ARF4: variants seen among roughly 807,000 people sequenced by gnomAD.
ARF4 encodes the protein ARF GTPase 4, also known as ADP-ribosylation factor 4.
A neutral mutation model predicts 24.3 loss-of-function variants in ARF4; 5 were observed. That is an observed-to-expected ratio of 0.21 (90% confidence interval 0.11 to 0.43). The LOEUF (loss-of-function observed/expected upper bound fraction) is 0.43. ARF4 is among the 20% of genes least tolerant of loss of function. ARF4 has a pLI of 1.00. For missense variants in ARF4, 107 were observed against 213.0 expected (o/e 0.50, Z 3.10); for synonymous variants, 62 against 73.5 (o/e 0.84, Z 0.80).
At position 57,590,907 on chromosome 3, in the gene ARF4, A is replaced by G. The variant is rs374384744; in HGVS notation, c.67+6167T>C. Among the ~76,000 whole-genome samples, 42 of 152,328 alleles carry G rather than the reference A, an allele frequency of 2.8e-4. 5 individuals are homozygous for G. The highest frequency in any genetic ancestry group is 2.2e-3 in the Admixed American group (34 of 15,296). On this transcript the variant is annotated intron_variant, in intron 1 of 5. Transcript: ENST00000303436. The stretch of plus-strand genomic sequence containing the variant: ...TGGTATGGTGCCCAGGCTGCGTAAT[A>G]GTTTAAAATAATAATTTAAAATTGA...
chr3:57,581,699 C>G (rs2069973810), intron 3 of ARF4, among the ~76,000 whole-genome samples: 1 of 152,104 alleles, frequency 6.6e-6, no homozygotes, highest in Admixed American at 6.6e-5. Context: ...ACTTGGGAGG[C>G]TGAGGCAGGA....
At chr3:57,577,110 C>T (rs2069915265) in intron 4 of ARF4, among the ~76,000 whole-genome samples, 1 of 151,184 alleles carries the variant, frequency 6.6e-6, no homozygotes, top group Admixed American at 6.6e-5. Flanking sequence ...GAAGTAGCTA[C>T]TCTTCCATGT....
chr3:57,595,007 A>C (rs1033247132), intron 1 of ARF4, among the ~76,000 whole-genome samples: 1 of 152,228 alleles, frequency 6.6e-6, no homozygotes, highest in Non-Finnish European at 1.5e-5. Flanking sequence ...CCCAAAATTA[A>C]AGTGCAAAAC....
chr3:57,580,185 A>G (rs2069952785), intron 3 of ARF4, among the ~76,000 whole-genome samples: 1 of 152,094 alleles, frequency 6.6e-6, no homozygotes, highest in South Asian at 2.1e-4. Flanking sequence ...ATCTTATACT[A>G]CTTGTTATAT....
At chr3:57,597,023 T>C (rs759742453) in intron 1 of ARF4, 51 bp downstream of exon 1, 1 of 1,591,486 alleles carries the variant, frequency 6.3e-7, no homozygotes, top group South Asian at 1.1e-5. Flanking sequence ...ACCCCAATTG[T>C]GGAGACCCTG....
chr3:57,582,565 A>G (rs1472905005), intron 3 of ARF4, among the ~76,000 whole-genome samples: 1 of 152,142 alleles, frequency 6.6e-6, no homozygotes, highest in Admixed American at 6.5e-5. Context: ...TTTAAATAAA[A>G]AAGTATACCA....
At chr3:57,595,788 A>G (rs1203112486) in intron 1 of ARF4, among the ~76,000 whole-genome samples, 1 of 152,056 alleles carries the variant, frequency 6.6e-6, no homozygotes, top group African/African-American at 2.4e-5. Context: ...CGTCTCTACT[A>G]ATAATACAAA....
At chr3:57,579,803 T>C (rs2069949125) in intron 3 of ARF4, among the ~76,000 whole-genome samples, 1 of 152,180 alleles carries the variant, frequency 6.6e-6, no homozygotes, top group Non-Finnish European at 1.5e-5. Flanking sequence ...TCACTTTAAA[T>C]ATCCTATCCT....
chr3:57,584,734 C>A (rs1436445336), intron 1 of ARF4, among the ~76,000 whole-genome samples: 1 of 152,048 alleles, frequency 6.6e-6, no homozygotes, highest in African/African-American at 2.4e-5. Context: ...TCTAGCTTTG[C>A]GACAAACTAG....
chr3:57,572,055 TA>T lies in ARF4; in HGVS notation c.*156del. On this transcript the variant is annotated 3_prime_UTR_variant, in exon 6 of 6. Coordinates refer to ENST00000303436, the MANE Select transcript of ARF4 (RefSeq NM_001660.4). ...CAAGCACATTGCTAAATAGCAACAT[TA>T]TACTCGGTAAACAATAATTGGCAAC... The T allele has an allele frequency of 1.7e-6, 1 of 592,410 alleles. No individual in the cohort carries two copies. Among genetic ancestry groups the T allele is most frequent in the South Asian group, 2.2e-5 (1 of 44,976 alleles). 36.7% of individuals were successfully genotyped at this position (592,410 alleles called of 1,614,324 possible).
At chr3:57,593,625 C>T (rs2070140736) in intron 1 of ARF4, among the ~76,000 whole-genome samples, 1 of 152,166 alleles carries the variant, frequency 6.6e-6, no homozygotes, top group Admixed American at 6.5e-5. Context: ...GTAAAGAGAT[C>T]AGAATTAGTA....
chr3:57,575,034 A>G (rs2069886823), intron 5 of ARF4, among the ~76,000 whole-genome samples: 1 of 152,036 alleles, frequency 6.6e-6, no homozygotes, highest in Non-Finnish European at 1.5e-5. Flanking sequence ...TTTTTAGTAG[A>G]GACAGGGTTT....
rs2069844038 is a variant in ARF4, at chr3:57,571,644, A to T, written c.*568T>A. ...CCAGCACAGAACTAATTGGCTATCA[A>T]ATCCAAACCCCACCAAGGTTAAGTT... On this transcript the variant is annotated 3_prime_UTR_variant, in exon 6 of 6. Transcript: ENST00000303436. The T allele has an allele frequency of 6.5e-6, 1 of 152,828 alleles. No homozygotes were observed. Among genetic ancestry groups the T allele is most frequent in the South Asian group, 2.1e-4 (1 of 4,852 alleles). 9.5% of individuals were successfully genotyped at this position (152,828 alleles called of 1,614,324 possible).
At chr3:57,596,761 T>G (rs959271957) in intron 1 of ARF4, 1 of 323,606 alleles carries the variant, frequency 3.1e-6, no homozygotes, top group South Asian at 3.3e-5. Context: ...AAGTGTTTGC[T>G]TCCCAGAGTT....
chr3:57,583,837 T>C (rs1019432793), intron 3 of ARF4, 61 bp downstream of exon 3: 76 of 1,192,292 alleles, frequency 6.4e-5, no homozygotes, highest in Non-Finnish European at 8.4e-5. Context: ...TAGATACTAA[T>C]AAAAACTTTA....
chr3:57,582,703 T>C (rs1027323424), intron 3 of ARF4, among the ~76,000 whole-genome samples: 1 of 148,196 alleles, frequency 6.7e-6, no homozygotes, highest in African/African-American at 2.4e-5. Context: ...CAAGATGACA[T>C]TGCAAGTCTT....
intron 3 of ARF4, among the ~76,000 whole-genome samples, chr3:57,580,200 T>A (rs907363580): frequency 6.6e-6 from 1 of 152,168 alleles, no homozygotes; most frequent in Admixed American, 6.5e-5. Context: ...TTATATATAT[T>A]ATCTAATCCT....
chr3:57,587,319 C>CA (rs56787111), intron 1 of ARF4, among the ~76,000 whole-genome samples: 2,176 of 42,814 alleles, frequency 0.051, 73 homozygotes, highest in Admixed American at 0.077. Context: ...AACTCAGTCT[C>CA]AAAAAAAAAA....
intron 1 of ARF4, among the ~76,000 whole-genome samples, chr3:57,588,212 G>T (rs1388932743): frequency 1.3e-5 from 2 of 152,176 alleles, no homozygotes; most frequent in Non-Finnish European, 2.9e-5. Context: ...TGGAATACTT[G>T]TTCTCCTTAA....
Sources: gnomAD v4.1 joint callset for allele counts (sites outside exome capture counted in the v4.1 genomes callset) on GRCh38, gnomAD v4.1.1 for gene constraint, MANE v1.5 for transcripts, NCBI Gene and HGNC (gene_info 2026-07-23, HGNC 2026-07-21) for gene names.